ATXN7: variants seen among roughly 807,000 people sequenced by gnomAD.
ATXN7 encodes ataxin 7.
ATXN7 carries 12 observed loss-of-function variants against 70.5 expected under a neutral mutation model. The observed-to-expected ratio is 0.17, with a 90% CI of 0.11 to 0.28. The LOEUF (loss-of-function observed/expected upper bound fraction) is 0.28, where lower values mean the gene tolerates loss of function less well. ATXN7 is among the 10% of genes least tolerant of loss of function. ATXN7 has a pLI of 1.00. For missense variants in ATXN7, 1,256 were observed against 1,131.7 expected (o/e 1.11, Z -1.58); for synonymous variants, 498 against 448.7 (o/e 1.11, Z -1.39).
intron 1 of ATXN7, chr3:63,867,020 T>C (rs1398818915): frequency 6.6e-6 from 1 of 152,040 alleles, no homozygotes; most frequent in African/African-American, 2.4e-5. Context: ...TTATTTGATA[T>C]TTGCTTTCTG....
intron 5 of ATXN7, among the ~76,000 whole-genome samples, chr3:63,960,082 C>G (rs1263848969): frequency 6.6e-6 from 1 of 152,146 alleles, no homozygotes; most frequent in Admixed American, 6.5e-5. Context: ...CTGGGGCAGA[C>G]CACTTTAGGT....
At chr3:63,985,285 A>G (rs921240282) in intron 8 of ATXN7, among the ~76,000 whole-genome samples, 1 of 152,070 alleles carries the variant, frequency 6.6e-6, no homozygotes, top group Non-Finnish European at 1.5e-5. Context: ...TTTTCAAATG[A>G]TATATGCTCC....
In ATXN7 at chr3:63,913,347, G is replaced by A. The variant is rs994092242; in HGVS notation, c.394+122G>A. 5 of 1,056,742 alleles carry A rather than the reference G, an allele frequency of 4.7e-6. No homozygotes were observed. In the African/African-American group the frequency reaches 6.4e-5, roughly 14 times the overall value. 65.5% of individuals were successfully genotyped at this position (1,056,742 alleles called of 1,614,324 possible). On this transcript the variant is annotated intron_variant, in intron 4 of 12. Transcript: ENST00000674280. ...CCCGACTCCCCGTGCCTGCGAAGATGCTGCCTGAGGAGGGAGGGAGGGGGC... is the reference window on the plus strand; with the variant it reads ...CCCGACTCCCCGTGCCTGCGAAGATACTGCCTGAGGAGGGAGGGAGGGGGC...
At chr3:63,915,944 C>T (rs780808846) in intron 4 of ATXN7, among the ~76,000 whole-genome samples, 38 of 152,070 alleles carry the variant, frequency 2.5e-4, no homozygotes, top group Non-Finnish European at 5.0e-4. Context: ...CCTCAGCCTC[C>T]ACGAAGTGCT....
intron 4 of ATXN7, among the ~76,000 whole-genome samples, chr3:63,941,686 A>G (rs370138409): frequency 1.9e-4 from 29 of 151,858 alleles, no homozygotes; most frequent in East Asian, 7.8e-4. Context: ...GCCAGACCTC[A>G]TACATTTAGT....
intron 7 of ATXN7, 197 bp from the exon 8 acceptor site, chr3:63,982,742 A>G (rs1336583103): frequency 4.9e-6 from 3 of 611,620 alleles, no homozygotes; most frequent in African/African-American, 3.7e-5. Context: ...ATCTGATGGC[A>G]GTAGTCACCC....
intron 4 of ATXN7, among the ~76,000 whole-genome samples, chr3:63,931,300 T>TAA (rs887839583): frequency 6.6e-6 from 1 of 151,900 alleles, no homozygotes; most frequent in Non-Finnish European, 1.5e-5. Flanking sequence ...TACTAACTTG[T>TAA]AAACACCCGC....
intron 4 of ATXN7, among the ~76,000 whole-genome samples, chr3:63,942,457 C>T (rs550249871): frequency 6.6e-6 from 1 of 152,268 alleles, no homozygotes; most frequent in East Asian, 1.9e-4. Context: ...TTATACGTAT[C>T]AACACTTCGC....
intron 5 of ATXN7, among the ~76,000 whole-genome samples, chr3:63,961,001 C>T (rs548707951): frequency 6.6e-6 from 1 of 152,012 alleles, no homozygotes; most frequent in African/African-American, 2.4e-5. Context: ...AAACCACTGC[C>T]TTTCAATTTG....
Position 63,997,575 on chromosome 3 carries a change from G to A in ATXN7, c.2661+1092G>A, listed in dbSNP as rs890571686. On this transcript the variant is annotated intron_variant, in intron 12 of 12. Coordinates refer to ENST00000674280, the MANE Select transcript of ATXN7 (RefSeq NM_001377405.1). ...GTAGCTGTTTCTTCCAGCTTCCTTT[G>A]CTCTAACTTCCAGCTCATCTCTCAT... The A allele has an allele frequency of 6.6e-6, 10 of 1,508,862 alleles. No individual in the cohort carries two copies. The African/African-American group carries it at 1.1e-4, about 17-fold the overall frequency. 93.5% of individuals were successfully genotyped at this position (1,508,862 alleles called of 1,614,324 possible).
At chr3:63,866,988 C>A in intron 1 of ATXN7, 1 of 149,924 alleles carries the variant, frequency 6.7e-6, no homozygotes, top group African/African-American at 2.5e-5. Context: ...ATATGAAAGA[C>A]TAGTTAAGAA....
chr3:63,899,092 T>G (rs1703534813), intron 2 of ATXN7, among the ~76,000 whole-genome samples: 1 of 151,434 alleles, frequency 6.6e-6, no homozygotes, highest in Admixed American at 6.6e-5. Flanking sequence ...AGACAGAGTC[T>G]CACTCTGTTA....
intron 5 of ATXN7, among the ~76,000 whole-genome samples, chr3:63,974,973 G>T (rs2075368737): frequency 6.6e-6 from 1 of 152,160 alleles, no homozygotes; most frequent in Admixed American, 6.5e-5. Flanking sequence ...GAGGTAGATG[G>T]TAGAAGTTTG....
intron 2 of ATXN7, chr3:63,911,766 T>C (rs537784092): frequency 6.6e-6 from 1 of 152,346 alleles, no homozygotes; most frequent in South Asian, 2.1e-4. Context: ...CGGTACTTCG[T>C]CCTGACACCT....
upstream of ATXN7, chr3:63,863,797 C>CGCGGCGGCGGCGGCGGCGGCGGCG (rs546741642): frequency 8.1e-7 from 1 of 1,236,062 alleles, no homozygotes; most frequent in South Asian, 3.9e-5. Context: ...CCATGGCGTG[C>CGCGGCGGCGGCGGCGGCGGCGGCG]GCGGCGGCGG....
At chr3:63,945,157 A>G (rs550979686) in intron 4 of ATXN7, among the ~76,000 whole-genome samples, 1 of 152,240 alleles carries the variant, frequency 6.6e-6, no homozygotes, top group Admixed American at 6.5e-5. Flanking sequence ...AGCGCTCTCC[A>G]TGGATCATTC....
intron 11 of ATXN7, among the ~76,000 whole-genome samples, chr3:63,993,275 A>ATTTTTTTTTTTTTTTTTTTTTTTTTT (rs556994956): frequency 8.6e-6 from 1 of 116,014 alleles, no homozygotes; most frequent in African/African-American, 3.3e-5. Flanking sequence ...TTGTTGGTGT[A>ATTTTTTTTTTTTTTTTTTTTTTTTTT]TTTTTTTTTT....
chr3:63,907,219 CGTA>C (rs1479610299), intron 2 of ATXN7, among the ~76,000 whole-genome samples: 3 of 152,114 alleles, frequency 2.0e-5, no homozygotes, highest in South Asian at 2.1e-4. Flanking sequence ...TTACACAGCT[CGTA>C]GTGGTAGAAG....
rs1006515477 is a variant in ATXN7, at chr3:63,993,166, C to T, written c.1682+2307C>T. On this transcript the variant is annotated intron_variant, in intron 11 of 12. Transcript: ENST00000674280. ...ATGGCCATAACCTGAAAGGCCACTGCCCACCTTCTATGATTTCTGTGAACT... is the reference window on the plus strand; with the variant it reads ...ATGGCCATAACCTGAAAGGCCACTGTCCACCTTCTATGATTTCTGTGAACT... 5.9e-5 allele frequency among the ~76,000 whole-genome samples: 9 copies of T among 152,188 alleles called. No individual in the cohort carries two copies. The Middle Eastern group carries it at 0.01, about 173-fold the overall frequency.
Sources: gnomAD v4.1 joint callset for allele counts (sites outside exome capture counted in the v4.1 genomes callset) on GRCh38, gnomAD v4.1.1 for gene constraint, MANE v1.5 for transcripts, NCBI Gene and HGNC (gene_info 2026-07-23, HGNC 2026-07-21) for gene names.